The following PCBP3 variants were observed in gnomAD, a reference collection of about 807,000 sequenced individuals.
PCBP3 encodes poly(rC) binding protein 3, also known as poly(rC)-binding protein 3.
A neutral mutation model predicts 52.7 loss-of-function variants in PCBP3; 25 were observed. That is an observed-to-expected ratio of 0.47 (90% CI 0.35 to 0.66). The LOEUF (loss-of-function observed/expected upper bound fraction) is 0.66. PCBP3 is among the 30% of genes least tolerant of loss of function. PCBP3 has a pLI of 0.01. For synonymous variants in PCBP3, 162 were observed against 183.0 expected (o/e 0.89, Z 0.93); for missense variants, 391 against 490.3 (o/e 0.80, Z 1.91).
chr21:45,850,448 G>A (rs534681551), intron 5 of PCBP3, among the ~76,000 whole-genome samples: 2 of 152,224 alleles, frequency 1.3e-5, no homozygotes, highest in South Asian at 2.1e-4. Flanking sequence ...GCTGAAGATC[G>A]TCCTGAGGTG....
chr21:45,767,436 T>C (rs536892522), intron 4 of PCBP3, among the ~76,000 whole-genome samples: 4 of 152,350 alleles, frequency 2.6e-5, no homozygotes, highest in African/African-American at 9.6e-5. Context: ...ATCCACTTAT[T>C]GATTAGTGAC....
intron 7 of PCBP3, 40 bp from the exon 8 acceptor site, chr21:45,900,551 G>C: frequency 6.3e-7 from 1 of 1,578,900 alleles, no homozygotes; most frequent in African/African-American, 1.3e-5. Flanking sequence ...CTCAGAGCCA[G>C]AGGGATACCT....
At position 45,928,609 on chromosome 21, in the gene PCBP3, C is replaced by T. The variant is rs1442241741; in HGVS notation, c.718-1308C>T. Among the ~76,000 whole-genome samples the T allele has an allele frequency of 1.3e-5, 2 of 152,266 alleles. No individual in the cohort carries two copies. The highest frequency in any genetic ancestry group is 1.5e-5 in the Non-Finnish European group (1 of 68,004). On this transcript the variant is annotated intron_variant, in intron 13 of 17. Coordinates refer to ENST00000681687, the MANE Select transcript of PCBP3 (RefSeq NM_001384156.1). The surrounding 1 kb of genome is among the most constrained non-coding windows in gnomAD (Gnocchi z 4.1). ...ACCCAGGTGCCAGGGGTGGCCAGGG[C>T]AAGCATGGGGGTCTGGTCAGGTGCT...
intron 4 of PCBP3, among the ~76,000 whole-genome samples, chr21:45,798,584 T>C (rs1047853368): frequency 1.4e-5 from 2 of 138,528 alleles, no homozygotes; most frequent in South Asian, 2.4e-4. Context: ...TGAATGGATG[T>C]GTACATGGAT....
chr21:45,682,170 A>G (rs2081894071), intron 2 of PCBP3, among the ~76,000 whole-genome samples: 1 of 152,160 alleles, frequency 6.6e-6, no homozygotes, highest in South Asian at 2.1e-4. Flanking sequence ...AAAACTAGGT[A>G]AAACATGCTT....
intron 2 of PCBP3, among the ~76,000 whole-genome samples, chr21:45,678,466 A>G (rs914899236): frequency 2.0e-5 from 3 of 152,186 alleles, no homozygotes; most frequent in Admixed American, 2.0e-4. Flanking sequence ...TTTGTGACTC[A>G]TGGGAGGAGG....
At position 45,797,177 on chromosome 21, in the gene PCBP3, C is replaced by T. The variant is rs115851588; in HGVS notation, c.-126+41725C>T. Among the ~76,000 whole-genome samples the T allele has an allele frequency of 1.6e-3, 250 of 152,102 alleles. 2 individuals carry two copies. The highest frequency in any genetic ancestry group is 5.6e-3 in the African/African-American group (231 of 41,438). On this transcript the variant is annotated intron_variant, in intron 4 of 17. Transcript: ENST00000681687. Reference sequence around the variant, plus strand: ...ATGTGGATGGACAGATGTATGGATCCGTAGAGAAAGTGAATGTGAATGCTA... The same window carrying T: ...ATGTGGATGGACAGATGTATGGATCTGTAGAGAAAGTGAATGTGAATGCTA...
intron 2 of PCBP3, among the ~76,000 whole-genome samples, chr21:45,682,043 G>A (rs766189759): frequency 2.6e-5 from 4 of 152,078 alleles, no homozygotes; most frequent in Non-Finnish European, 4.4e-5. Context: ...GAGAAGAAGA[G>A]CAAAGCTGAA....
intron 1 of PCBP3, among the ~76,000 whole-genome samples, chr21:45,659,337 C>CTTTTTTTTTTT (rs36113182): frequency 2.3e-4 from 18 of 78,748 alleles, no homozygotes; most frequent in East Asian, 3.3e-4. Flanking sequence ...TTTTACTTTC[C>CTTTTTTTTTTT]TTTTTTTTTT....
At chr21:45,804,440 G>A (rs1381346612) in intron 4 of PCBP3, among the ~76,000 whole-genome samples, 1 of 152,166 alleles carries the variant, frequency 6.6e-6, no homozygotes, top group East Asian at 1.9e-4. Flanking sequence ...GAAACAGCAC[G>A]ATTAACTGGC....
At chr21:45,843,524 T>C (rs183222927) in intron 4 of PCBP3, among the ~76,000 whole-genome samples, 450 of 152,354 alleles carry the variant, frequency 3.0e-3, no homozygotes, top group African/African-American at 1.0e-2. Flanking sequence ...CTTTACTCCT[T>C]TTAAAAGCTA....
rs2075808811 is a variant in PCBP3, at chr21:45,928,768, G to A, written c.718-1149G>A. Among the ~76,000 whole-genome samples the A allele has an allele frequency of 6.6e-6, 1 of 152,222 alleles. No individual in the cohort carries two copies. Among genetic ancestry groups the A allele is most frequent in the Non-Finnish European group, 1.5e-5 (1 of 68,036 alleles). On this transcript the variant is annotated intron_variant, in intron 13 of 17. Coordinates refer to ENST00000681687, the MANE Select transcript of PCBP3 (RefSeq NM_001384156.1). This position sits in a 1 kb window ranked among gnomAD's most constrained non-coding sequence, Gnocchi z 4.1. ...AGGAAGCTGAGGTGCCTGCCTGGCTGTGGGTCGCAGGAGTCCACACACAGC... is the reference window on the plus strand; with the variant it reads ...AGGAAGCTGAGGTGCCTGCCTGGCTATGGGTCGCAGGAGTCCACACACAGC...
At chr21:45,721,902 A>G (rs1412085650) in intron 2 of PCBP3, among the ~76,000 whole-genome samples, 1 of 152,240 alleles carries the variant, frequency 6.6e-6, no homozygotes, top group Non-Finnish European at 1.5e-5. Context: ...TGCGTGTCTC[A>G]GAGGACTACT....
chr21:45,734,712 A>G (rs567715795), intron 2 of PCBP3, among the ~76,000 whole-genome samples: 151 of 152,060 alleles, frequency 9.9e-4, no homozygotes, highest in African/African-American at 3.6e-3. Context: ...TTCTCTGGGG[A>G]TCGTTGTCCT....
At position 45,678,305 on chromosome 21, in the gene PCBP3, CAA is replaced by C. The variant is rs201979527; in HGVS notation, c.-200+9367_-200+9368del. ...TGGGCGACAGAGCGAGACTCCATCT[CAA>C]AAAAAAAAAAAAATAATAATAATAA... On this transcript the variant is annotated intron_variant, in intron 2 of 17. Coordinates refer to ENST00000681687, the MANE Select transcript of PCBP3 (RefSeq NM_001384156.1). Among the ~76,000 whole-genome samples, 66 of 132,326 alleles carry C rather than the reference CAA, an allele frequency of 5.0e-4. 1 individual carries two copies. The highest frequency in any genetic ancestry group is 3.8e-3 in the Middle Eastern group (1 of 260). The allele number at this position is 132,326 out of a possible 152,430, so 86.8% of individuals were successfully genotyped here.
intron 4 of PCBP3, among the ~76,000 whole-genome samples, chr21:45,792,717 T>C (rs988202384): frequency 2.0e-5 from 3 of 152,176 alleles, no homozygotes; most frequent in African/African-American, 7.2e-5. Flanking sequence ...ACAGAAGACA[T>C]GCAGACAGGC....
chr21:45,908,965 C>T (rs944733090), intron 9 of PCBP3, among the ~76,000 whole-genome samples: 9 of 152,178 alleles, frequency 5.9e-5, no homozygotes, highest in Admixed American at 1.3e-4. Context: ...CCCTGCCTTA[C>T]CTGGCTCTGG....
At chr21:45,706,239 G>T (rs554958922) in intron 2 of PCBP3, among the ~76,000 whole-genome samples, 2 of 152,150 alleles carry the variant, frequency 1.3e-5, no homozygotes, top group African/African-American at 2.4e-5. Context: ...CAGGAAAGTC[G>T]AATCTCTTGG....
intron 1 of PCBP3, among the ~76,000 whole-genome samples, chr21:45,664,731 G>T (rs1048735594): frequency 1.3e-5 from 2 of 148,722 alleles, no homozygotes; most frequent in South Asian, 4.3e-4. Context: ...TCGTCATCTA[G>T]CATTAGGTAT....
Sources: allele counts gnomAD v4.1 joint callset (sites outside exome capture counted in the v4.1 genomes callset), GRCh38; gene constraint gnomAD v4.1.1; non-coding constraint Gnocchi (gnomAD v3.1); transcripts MANE v1.5; gene names NCBI Gene and HGNC (gene_info 2026-07-23, HGNC 2026-07-21).